CFAP20DC: variants seen among roughly 807,000 people sequenced by gnomAD.
The protein encoded by CFAP20DC is protein CFAP20DC.
CFAP20DC carries 84 observed loss-of-function variants against 101.7 expected under a neutral mutation model. The observed-to-expected ratio is 0.83, with a 90% CI of 0.69 to 0.99. The LOEUF (loss-of-function observed/expected upper bound fraction) is 0.99, where lower values mean the gene tolerates loss of function less well. Ranked by LOEUF, CFAP20DC falls within the 50% of genes least tolerant of loss-of-function variation. The probability of loss-of-function intolerance (pLI) is 0.00; values close to 1 mark genes in which losing one functional copy is unlikely to be tolerated. For missense variants in CFAP20DC, 1,007 were observed against 970.3 expected (o/e 1.04, Z -0.50); for synonymous variants, 359 against 351.2 (o/e 1.02, Z -0.25).
chr3:58,853,319 C>T (rs1202695854), intron 12 of CFAP20DC, among the ~76,000 whole-genome samples: 2 of 152,222 alleles, frequency 1.3e-5, no homozygotes, highest in South Asian at 2.1e-4. Context: ...CAATAACAGG[C>T]TCTGAAATTG....
intron 14 of CFAP20DC, among the ~76,000 whole-genome samples, chr3:58,807,517 G>A (rs2074199234): frequency 6.6e-6 from 1 of 152,238 alleles, no homozygotes; most frequent in Non-Finnish European, 1.5e-5. Context: ...CTGTCTGTTA[G>A]AAGGAAAACT....
intron 13 of CFAP20DC, among the ~76,000 whole-genome samples, chr3:58,841,740 T>G (rs983511972): frequency 6.6e-6 from 1 of 152,230 alleles, no homozygotes; most frequent in Non-Finnish European, 1.5e-5. Context: ...CTATTAAAAG[T>G]CATGTCTCTT....
At chr3:58,737,301 C>T (rs905874893), downstream of CFAP20DC, 1 of 455,110 alleles carries the variant, frequency 2.2e-6, no homozygotes, top group Non-Finnish European at 4.4e-6. This position sits in a 1 kb window ranked among gnomAD's most constrained non-coding sequence, Gnocchi z 4.1. Flanking sequence ...TACCAAATCT[C>T]TCTCACACAC....
At position 59,007,421 on chromosome 3, in the gene CFAP20DC, G is replaced by A. The variant is rs2093462911; in HGVS notation, c.278+32136C>T. Among the ~76,000 whole-genome samples the A allele has an allele frequency of 6.6e-6, 1 of 152,190 alleles. No individual in the cohort carries two copies. The highest frequency in any genetic ancestry group is 2.4e-5 in the African/African-American group (1 of 41,442). On this transcript the variant is annotated intron_variant, in intron 4 of 16. Transcript: ENST00000482387. This position sits in a 1 kb window ranked among gnomAD's most constrained non-coding sequence, Gnocchi z 4.4. ...TGGAAAGCACCACCTCCTGGCTGGA[G>A]GCCAACCAACTCAAGCCATTACAGC...
At chr3:58,966,585 A>G (rs1363353019) in intron 4 of CFAP20DC, among the ~76,000 whole-genome samples, 1 of 150,814 alleles carries the variant, frequency 6.6e-6, no homozygotes, top group East Asian at 1.9e-4. Flanking sequence ...GTGCAATGGT[A>G]TGATCTCAGC....
In CFAP20DC at chr3:58,863,239, A is replaced by G; in HGVS notation, c.1593+319T>C. The G allele has an allele frequency of 7.4e-7, 1 of 1,346,018 alleles. No individual in the cohort carries two copies. The highest frequency in any genetic ancestry group is 3.5e-5 in the Admixed American group (1 of 28,528). 83.4% of individuals were successfully genotyped at this position (1,346,018 alleles called of 1,614,324 possible). A position where few individuals can be genotyped will look rare whatever the true frequency, so the allele number is the denominator to read the frequency against. Reference sequence around the variant, plus strand: ...TAGAACAGTATATTCTCAGTGTTTTACTGGTCTTGCTATCATAGCACTAAA... The same window carrying G: ...TAGAACAGTATATTCTCAGTGTTTTGCTGGTCTTGCTATCATAGCACTAAA... On this transcript the variant is annotated intron_variant, in intron 12 of 16. Coordinates refer to ENST00000482387, the MANE Select transcript of CFAP20DC (RefSeq NM_001394063.1). The surrounding 1 kb of genome is among the most constrained non-coding windows in gnomAD (Gnocchi z 5.9).
chr3:58,797,338 A>T (rs2073333843), intron 15 of CFAP20DC, among the ~76,000 whole-genome samples: 2 of 152,226 alleles, frequency 1.3e-5, no homozygotes, highest in East Asian at 3.8e-4. Flanking sequence ...AATTGGTGAT[A>T]TGGAGAAAGT....
rs1482577804 is a variant in CFAP20DC, at chr3:59,006,770, A to G, written c.278+32787T>C. ...GGGTCACAAGATGAATGAAGCTTCC[A>G]ACTAAATTTTGTAATAGTTTCAACT... is the stretch of plus-strand genomic sequence containing the variant. On this transcript the variant is annotated intron_variant, in intron 4 of 16. Coordinates refer to ENST00000482387, the MANE Select transcript of CFAP20DC (RefSeq NM_001394063.1). This position sits in a 1 kb window ranked among gnomAD's most constrained non-coding sequence, Gnocchi z 4.3. Among the ~76,000 whole-genome samples the G allele has an allele frequency of 3.3e-5, 5 of 152,176 alleles. No homozygotes were observed. The highest frequency in any genetic ancestry group is 5.9e-5 in the Non-Finnish European group (4 of 68,024).
intron 13 of CFAP20DC, among the ~76,000 whole-genome samples, chr3:58,834,124 T>C (rs1265264217): frequency 6.6e-6 from 1 of 152,150 alleles, no homozygotes; most frequent in East Asian, 1.9e-4. Flanking sequence ...GTCAAAATGA[T>C]GGTTACAGAA....
In CFAP20DC at chr3:58,765,294, A is replaced by G. The variant is rs574574026; in HGVS notation, c.2238-11431T>C. Reference sequence around the variant, plus strand: ...CATATATACATCTACACACACACACACGCACACACATATACACATAACATT... The same window carrying G: ...CATATATACATCTACACACACACACGCGCACACACATATACACATAACATT... On this transcript the variant is annotated intron_variant, in intron 15 of 16. Coordinates refer to ENST00000482387, the MANE Select transcript of CFAP20DC (RefSeq NM_001394063.1). 3.7e-4 allele frequency among the ~76,000 whole-genome samples: 56 copies of G among 152,182 alleles called. 1 individual carries two copies. The highest frequency in any genetic ancestry group is 1.9e-3 in the South Asian group (9 of 4,824).
At chr3:58,923,650 A>C (rs1023965722) in intron 5 of CFAP20DC, among the ~76,000 whole-genome samples, 1 of 152,146 alleles carries the variant, frequency 6.6e-6, no homozygotes, top group African/African-American at 2.4e-5. Flanking sequence ...GGCTGCTTTT[A>C]AGATTCTTTC....
chr3:58,919,566 A>G (rs2085115113), intron 5 of CFAP20DC, among the ~76,000 whole-genome samples: 1 of 152,238 alleles, frequency 6.6e-6, no homozygotes, highest in Middle Eastern at 3.2e-3. Flanking sequence ...AACTGGAATT[A>G]GATTGAATCT....
chr3:58,962,989 C>G (rs559503406), intron 4 of CFAP20DC, among the ~76,000 whole-genome samples: 1 of 152,020 alleles, frequency 6.6e-6, no homozygotes, highest in South Asian at 2.1e-4. Context: ...ATTCATATAC[C>G]ACCAACATTG....
intron 3 of CFAP20DC, chr3:58,727,072 G>A: frequency 4.6e-6 from 1 of 218,182 alleles, no homozygotes; most frequent in East Asian, 1.6e-4. Context: ...CACACCATTA[G>A]AAGAGATGAC....
intron 4 of CFAP20DC, among the ~76,000 whole-genome samples, chr3:58,942,413 T>C (rs2088734625): frequency 6.6e-6 from 1 of 152,126 alleles, no homozygotes; most frequent in Non-Finnish European, 1.5e-5. Flanking sequence ...GTGGTTGCAG[T>C]CCATGGAGGG....
chr3:58,960,125 T>C (rs2091005992), intron 4 of CFAP20DC, among the ~76,000 whole-genome samples: 1 of 152,212 alleles, frequency 6.6e-6, no homozygotes, highest in African/African-American at 2.4e-5. Context: ...TTCTCCTGTT[T>C]CACTGATTTT....
chr3:58,845,405 A>T (rs1164523582), intron 13 of CFAP20DC, among the ~76,000 whole-genome samples: 1 of 152,112 alleles, frequency 6.6e-6, no homozygotes, highest in East Asian at 1.9e-4. Flanking sequence ...ATAAACTAGA[A>T]AATCTAGAAG....
At chr3:58,875,228 A>G (rs901401808) in intron 7 of CFAP20DC, among the ~76,000 whole-genome samples, 1 of 151,438 alleles carries the variant, frequency 6.6e-6, no homozygotes, top group Non-Finnish European at 1.5e-5. Flanking sequence ...AGACTTGGTT[A>G]TGTGTGCATA....
chr3:58,720,821 T>A (rs2067462834), intron 3 of CFAP20DC, among the ~76,000 whole-genome samples: 1 of 152,192 alleles, frequency 6.6e-6, no homozygotes, highest in South Asian at 2.1e-4. Flanking sequence ...TGAGAAATAT[T>A]TATACTTCTC....
Sources: allele counts gnomAD v4.1 joint callset (sites outside exome capture counted in the v4.1 genomes callset), GRCh38; gene constraint gnomAD v4.1.1; non-coding constraint Gnocchi (gnomAD v3.1); transcripts MANE v1.5; gene names NCBI Gene and HGNC (gene_info 2026-07-23, HGNC 2026-07-21).